Variants in AKAP6 observed in about 807,000 individuals in gnomAD.
The protein encoded by AKAP6 is A-kinase anchoring protein 6.
A neutral mutation model predicts 188.5 loss-of-function variants in AKAP6; 58 were observed. That is an observed-to-expected ratio of 0.31 (90% confidence interval 0.25 to 0.38). The LOEUF is 0.38. AKAP6 is among the 10% of genes least tolerant of loss of function. AKAP6 has a pLI of 1.00. For synonymous variants in AKAP6, 989 were observed against 998.6 expected (o/e 0.99, Z 0.18); for missense variants, 2,710 against 2,740.0 (o/e 0.99, Z 0.24).
intron 1 of AKAP6, among the ~76,000 whole-genome samples, chr14:32,368,890 C>A (rs28733145): frequency 0.08 from 11,620 of 144,616 alleles, 1,443 homozygotes; most frequent in African/African-American, 0.27. Context: ...AAAAAAAAAA[C>A]AAAAACATGC....
intron 12 of AKAP6, among the ~76,000 whole-genome samples, chr14:32,815,424 T>C (rs537511629): frequency 6.6e-6 from 1 of 152,178 alleles, no homozygotes; most frequent in Non-Finnish European, 1.5e-5. Flanking sequence ...TTTCAGACAA[T>C]GGACTTGCCT....
At chr14:32,815,581 A>T (rs1256202290) in intron 12 of AKAP6, among the ~76,000 whole-genome samples, 1 of 152,212 alleles carries the variant, frequency 6.6e-6, no homozygotes, top group Non-Finnish European at 1.5e-5. Flanking sequence ...CACCTCATTT[A>T]CAGTGCAGTA....
chr14:32,678,420 T>G lies in AKAP6; in HGVS notation c.2840T>G (p.Phe947Cys). Residue 947 changes from phenylalanine to cysteine, a missense_variant, in exon 8 of 14, where the codon TTT becomes TGT. By Grantham distance (205) the Phe-to-Cys change is radical. Transcript: ENST00000280979. The stretch of plus-strand genomic sequence containing the variant: ...AGCAGCAGCAAGCGAAAGGAAGAGT[T>G]TGCTGATATGTCAAAAGTTCATTCA... ...YTSSSKRKEE[F>C]ADMSKVHSVG... 1.2e-6 allele frequency: 2 copies of G among 1,613,950 alleles called. No homozygotes were observed. Among genetic ancestry groups the G allele is most frequent in the Non-Finnish European group, 1.7e-6 (2 of 1,179,870 alleles).
intron 7 of AKAP6, among the ~76,000 whole-genome samples, chr14:32,606,706 A>G (rs1300299991): frequency 6.6e-6 from 1 of 152,018 alleles, no homozygotes; most frequent in African/African-American, 2.4e-5. Context: ...GCTGCTTTGA[A>G]CTCTAGGATT....
At chr14:32,453,575 CTTTTTTTTTTTTTTTTTTTTTTTTTT>C (rs71115071) in intron 2 of AKAP6, among the ~76,000 whole-genome samples, 3 of 95,354 alleles carry the variant, frequency 3.1e-5, no homozygotes, top group Admixed American at 1.4e-4. Flanking sequence ...TTTTTCTTTT[CTTTTTTTTTTTTTTTTTTTTTTTTTT>C]TTTTTTTTTT....
chr14:32,412,475 G>A (rs566572754), intron 1 of AKAP6, among the ~76,000 whole-genome samples: 12 of 152,118 alleles, frequency 7.9e-5, no homozygotes, highest in Non-Finnish European at 1.6e-4. Context: ...ACATAATATT[G>A]ACACAATACT....
chr14:32,489,458 A>C (rs1034081755), intron 2 of AKAP6, among the ~76,000 whole-genome samples: 1 of 152,072 alleles, frequency 6.6e-6, no homozygotes, highest in South Asian at 2.1e-4. Flanking sequence ...AATTCTTCCA[A>C]TCAGTCTCTC....
At chr14:32,448,717 A>G (rs566992962) in intron 2 of AKAP6, among the ~76,000 whole-genome samples, 2 of 152,268 alleles carry the variant, frequency 1.3e-5, no homozygotes, top group Middle Eastern at 3.4e-3. Context: ...ATATCAAGAG[A>G]CCCTTTGAAA....
At chr14:32,650,798 A>T (rs1888190832) in intron 7 of AKAP6, among the ~76,000 whole-genome samples, 1 of 152,128 alleles carries the variant, frequency 6.6e-6, no homozygotes, top group Non-Finnish European at 1.5e-5. Context: ...CTATGCATAG[A>T]TTTTTAATAC....
At chr14:32,784,504 T>C (rs1374017939) in intron 12 of AKAP6, among the ~76,000 whole-genome samples, 1 of 152,174 alleles carries the variant, frequency 6.6e-6, no homozygotes, top group Non-Finnish European at 1.5e-5. Flanking sequence ...TGTTTCTGTT[T>C]TTAACTTTTT....
intron 2 of AKAP6, among the ~76,000 whole-genome samples, chr14:32,461,123 C>T (rs1289796533): frequency 6.6e-6 from 1 of 152,250 alleles, no homozygotes; most frequent in Admixed American, 6.5e-5. Context: ...GAAGGGGCAG[C>T]TGTGGTTGCT....
intron 11 of AKAP6, among the ~76,000 whole-genome samples, chr14:32,743,569 T>A (rs962781116): frequency 2.6e-5 from 4 of 152,306 alleles, no homozygotes; most frequent in African/African-American, 9.6e-5. Context: ...CCATGAGGCT[T>A]GGAAATACTA....
At chr14:32,398,864 TTTTTTTTG>T (rs1888979743) in intron 1 of AKAP6, among the ~76,000 whole-genome samples, 1 of 144,068 alleles carries the variant, frequency 6.9e-6, no homozygotes, top group African/African-American at 2.6e-5. Context: ...TTTTTTTTTT[TTTTTTTTG>T]ATGGAGTCTT....
At chr14:32,506,566 G>T (rs1880887740) in intron 2 of AKAP6, among the ~76,000 whole-genome samples, 1 of 152,024 alleles carries the variant, frequency 6.6e-6, no homozygotes. Context: ...TTTTGGGTTG[G>T]GTGTCATGGC....
rs145705853 is a variant in AKAP6, at chr14:32,779,448, T to C, written c.3588+5555T>C. On this transcript the variant is annotated intron_variant, in intron 12 of 13. Transcript: ENST00000280979. The stretch of plus-strand genomic sequence containing the variant: ...AAAAAAAAACAAAGGAAACCCACTT[T>C]AAACATAAAGATATAATAAAGCTAA... Among the ~76,000 whole-genome samples the C allele has an allele frequency of 2.3e-3, 337 of 148,194 alleles. 2 individuals are homozygous for C. Among genetic ancestry groups the C allele is most frequent in the African/African-American group, 8.1e-3 (326 of 40,396 alleles).
chr14:32,811,794 C>T (rs1594971891), intron 12 of AKAP6, among the ~76,000 whole-genome samples: 1 of 152,136 alleles, frequency 6.6e-6, no homozygotes. Context: ...TTCAGGTAAA[C>T]CCACATGTTG....
intron 12 of AKAP6, among the ~76,000 whole-genome samples, chr14:32,788,318 T>TA (rs1052550622): frequency 7.2e-5 from 11 of 152,128 alleles, no homozygotes; most frequent in Admixed American, 6.5e-4. Flanking sequence ...ATCTGTAAGA[T>TA]AGAGATAACA....
intron 2 of AKAP6, among the ~76,000 whole-genome samples, chr14:32,483,860 TG>T (rs1423260995): frequency 6.6e-6 from 1 of 151,998 alleles, no homozygotes; most frequent in East Asian, 1.9e-4. Flanking sequence ...ACATGGGCTA[TG>T]GTGGTGGCTG....
chr14:32,457,057 G>A (rs1233348530), intron 2 of AKAP6, among the ~76,000 whole-genome samples: 1 of 152,128 alleles, frequency 6.6e-6, no homozygotes, highest in Non-Finnish European at 1.5e-5. Flanking sequence ...AAGGTAGCTA[G>A]CATCTCTTAT....
Sources: gnomAD v4.1 joint callset for allele counts (sites outside exome capture counted in the v4.1 genomes callset) on GRCh38, gnomAD v4.1.1 for gene constraint, MANE v1.5 for transcripts, NCBI Gene and HGNC (gene_info 2026-07-23, HGNC 2026-07-21) for gene names.